PALM: variants seen among roughly 807,000 people sequenced by gnomAD.
PALM encodes paralemmin-1.
In PALM, 18 loss-of-function variants were observed where a neutral mutation model predicts 30.7. The ratio of observed to expected loss-of-function variants is 0.59; its 90% confidence interval spans 0.41 to 0.87. The LOEUF (loss-of-function observed/expected upper bound fraction) is 0.87, where lower values mean the gene tolerates loss of function less well. Among genes scored for constraint, PALM ranks in the 40% least tolerant of loss-of-function variants. The pLI, the probability that PALM is intolerant of heterozygous loss-of-function variation, is 0.00. For synonymous variants in PALM, 286 were observed against 242.8 expected (o/e 1.18, Z -1.66); for missense variants, 529 against 555.4 (o/e 0.95, Z 0.48).
At chr19:734,318 G>C in intron 6 of PALM, 124 bp downstream of exon 6, 4 of 876,224 alleles carry the variant, frequency 4.6e-6, no homozygotes, top group Non-Finnish European at 7.3e-6. Flanking sequence ...CCAGCACTTT[G>C]GGAGGCCGAG....
chr19:719,632 C>G (rs1187548067), intron 1 of PALM: 2 of 985,954 alleles, frequency 2.0e-6, no homozygotes, highest in Non-Finnish European at 2.4e-6. Flanking sequence ...CGCCTTTGCC[C>G]GGGACTCAGC....
rs1198134413 is a variant in PALM, at chr19:740,394, CAG to C, written c.546_547del (p.Glu184AspfsTer127). On this transcript the variant is annotated frameshift_variant, in exon 8 of 9. Coordinates refer to ENST00000338448, the MANE Select transcript of PALM (RefSeq NM_002579.3). LOFTEE classifies it high-confidence loss of function. Reference sequence around the variant, plus strand: ...ATCACTGTGGAGAAGGACAAGGTGACAGGGGAGACCAGGGTGCTGTCCAGCAC... The same window carrying C: ...ATCACTGTGGAGAAGGACAAGGTGACGGGAGACCAGGGTGCTGTCCAGCAC... The C allele has an allele frequency of 3.8e-6, 6 of 1,559,154 alleles. No homozygotes were observed. Among genetic ancestry groups the C allele is most frequent in the Non-Finnish European group, 4.3e-6 (5 of 1,151,208 alleles).
chr19:720,580 T>C (rs2032441567), intron 1 of PALM, among the ~76,000 whole-genome samples: 1 of 29,470 alleles, frequency 3.4e-5, no homozygotes, highest in South Asian at 1.1e-3. Flanking sequence ...GCGCCGGGTC[T>C]GGGGAGGGGC....
intron 7 of PALM, among the ~76,000 whole-genome samples, chr19:736,327 C>T (rs1034415696): frequency 2.6e-5 from 4 of 152,180 alleles, no homozygotes; most frequent in Admixed American, 6.5e-5. Flanking sequence ...CCACGCATGG[C>T]GGCTCTAACC....
chr19:711,257 T>C, intron 1 of PALM: 1 of 885,022 alleles, frequency 1.1e-6, no homozygotes, highest in East Asian at 1.2e-4. Flanking sequence ...AGAATCTCTG[T>C]GCTCTGGGAG....
intron 1 of PALM, among the ~76,000 whole-genome samples, chr19:712,510 A>T (rs1256371232): frequency 2.0e-5 from 3 of 149,960 alleles, no homozygotes; most frequent in Non-Finnish European, 4.4e-5. Context: ...CAGCCTCCCG[A>T]GTAGCTGGGA....
intron 4 of PALM, among the ~76,000 whole-genome samples, chr19:730,068 G>A (rs951852946): frequency 1.3e-5 from 2 of 152,236 alleles, no homozygotes; most frequent in African/African-American, 4.8e-5. Context: ...TGCTTCTCAG[G>A]TGCTGAAACT....
chr19:719,378 C>T lies in PALM; in HGVS notation c.6-6760C>T. On this transcript the variant is annotated intron_variant, in intron 1 of 8. Transcript: ENST00000338448. The stretch of plus-strand genomic sequence containing the variant: ...CTGGAGCAGGACTATCTCACGCGCT[C>T]CAGACGACGCCCTCGCCGGGCCCCG... 3 of 985,534 alleles carry T rather than the reference C, an allele frequency of 3.0e-6. No individual in the cohort carries two copies. The African/African-American group carries it at 5.2e-5, about 17-fold the overall frequency. The allele number at this position is 985,534 out of a possible 1,614,324, so 61.0% of individuals were successfully genotyped here. A position where few individuals can be genotyped will look rare whatever the true frequency, so the allele number is the denominator to read the frequency against.
chr19:720,210 C>A (rs996289873), intron 1 of PALM, among the ~76,000 whole-genome samples: 1 of 151,958 alleles, frequency 6.6e-6, no homozygotes, highest in South Asian at 2.1e-4. Flanking sequence ...CGGCCCCACC[C>A]CCGCGCGCCG....
chr19:746,648 A>G lies in PALM; in HGVS notation c.998A>G (p.Asp333Gly). The G allele has an allele frequency of 6.2e-7, 1 of 1,612,498 alleles. No individual in the cohort carries two copies. Among genetic ancestry groups the G allele is most frequent in the Non-Finnish European group, 8.5e-7 (1 of 1,179,742 alleles). The change falls in exon 9 of 9, where the codon GAC becomes GGC. Residue 333 changes from aspartate (D) to glycine (G), a missense_variant. Physicochemically the swap from Asp to Gly is moderately conservative, Grantham distance 94. Coordinates refer to ENST00000338448, the MANE Select transcript of PALM (RefSeq NM_002579.3). This position sits in a 1 kb window ranked among gnomAD's most constrained non-coding sequence, Gnocchi z 7.1. ...ACGGCGGAGCTGGTGGTCATCGAAGACGCGGCTGAGCCCAAGGAGCCTGCA... is the reference window on the plus strand; with the variant it reads ...ACGGCGGAGCTGGTGGTCATCGAAGGCGCGGCTGAGCCCAAGGAGCCTGCA... ...TITAELVVIEDAAEPKEPAPP... is the reference protein window; with the variant it reads ...TITAELVVIEGAAEPKEPAPP...
intron 6 of PALM, 122 bp downstream of exon 6, chr19:734,316 T>A: frequency 1.1e-6 from 1 of 912,660 alleles, no homozygotes; most frequent in Middle Eastern, 2.2e-4. Flanking sequence ...TCCCAGCACT[T>A]TGGGAGGCCG....
chr19:723,357 G>A (rs1419629350), intron 1 of PALM, among the ~76,000 whole-genome samples: 6 of 152,030 alleles, frequency 3.9e-5, no homozygotes, highest in Non-Finnish European at 7.4e-5. Context: ...AGATGTTGGG[G>A]GTCGGGGGAA....
At chr19:711,087 ATTTAAGAAT>A (rs1388021833) in intron 1 of PALM, 1 of 579,156 alleles carries the variant, frequency 1.7e-6, no homozygotes, top group African/African-American at 2.0e-5. Flanking sequence ...TCACAAATGA[ATTTAAGAAT>A]TTAAAGAATT....
At chr19:745,677 T>G (rs1430079896) in intron 8 of PALM, among the ~76,000 whole-genome samples, 1 of 109,942 alleles carries the variant, frequency 9.1e-6, no homozygotes, top group Admixed American at 1.0e-4. Context: ...CCTGGGCAGC[T>G]CCATCTCAGA....
At chr19:711,514 C>T (rs908730588) in intron 1 of PALM, among the ~76,000 whole-genome samples, 4 of 152,194 alleles carry the variant, frequency 2.6e-5, no homozygotes, top group African/African-American at 4.8e-5. Context: ...GGGTCCTTAA[C>T]GCTCCTTCAC....
At chr19:721,348 C>A (rs1339384361) in intron 1 of PALM, among the ~76,000 whole-genome samples, 1 of 152,002 alleles carries the variant, frequency 6.6e-6, no homozygotes, top group Non-Finnish European at 1.5e-5. Flanking sequence ...TCACTGCAAC[C>A]TCCACCTCCC....
intron 1 of PALM, among the ~76,000 whole-genome samples, chr19:710,542 C>T (rs1392391332): frequency 1.3e-5 from 2 of 152,168 alleles, no homozygotes; most frequent in Admixed American, 1.3e-4. Context: ...ACGGAGATCT[C>T]CCTCCCAGAG....
chr19:719,726 T>C (rs2032394527), intron 1 of PALM: 5 of 718,874 alleles, frequency 7.0e-6, no homozygotes, highest in Non-Finnish European at 8.5e-6. Flanking sequence ...GGTCCCAGCC[T>C]CGCCGATCAC....
At chr19:738,487 C>T (rs1465575137) in intron 7 of PALM, among the ~76,000 whole-genome samples, 1 of 151,880 alleles carries the variant, frequency 6.6e-6, no homozygotes, top group African/African-American at 2.4e-5. Context: ...GATCACGCCA[C>T]TGCACTCCAG....
Sources: allele counts gnomAD v4.1 joint callset (sites outside exome capture counted in the v4.1 genomes callset), GRCh38; gene constraint gnomAD v4.1.1; non-coding constraint Gnocchi (gnomAD v3.1); transcripts MANE v1.5; gene names NCBI Gene and HGNC (gene_info 2026-07-23, HGNC 2026-07-21).